The following DIP2C variants were observed in gnomAD, a reference collection of about 807,000 sequenced individuals.
DIP2C encodes DIP2 acetate--CoA ligase C (putative), also known as disco-interacting protein 2 homolog C.
DIP2C carries 33 observed loss-of-function variants against 192.4 expected under a neutral mutation model. That is an observed-to-expected ratio of 0.17 (90% CI 0.13 to 0.23). The LOEUF (loss-of-function observed/expected upper bound fraction) is 0.23. Ranked by LOEUF, DIP2C falls within the 10% of genes least tolerant of loss-of-function variation. The pLI is 1.00. For missense variants in DIP2C, 1,537 were observed against 2,110.1 expected, an observed-to-expected ratio of 0.73 and a Z score of 5.32; for synonymous variants, 979 against 864.1, an observed-to-expected ratio of 1.13 and a Z score of -2.33.
At chr10:619,537 G>T (rs796882315) in intron 1 of DIP2C, among the ~76,000 whole-genome samples, 2,864 of 51,350 alleles carry the variant, frequency 0.056, 59 homozygotes, top group Middle Eastern at 0.12. Context: ...AAGCCCGCCC[G>T]CCCGCCCTCC....
At chr10:288,154 G>A (rs1457333885) in intron 33 of DIP2C, among the ~76,000 whole-genome samples, 1 of 152,212 alleles carries the variant, frequency 6.6e-6, no homozygotes, top group Admixed American at 6.5e-5. Flanking sequence ...CATGGAGGAG[G>A]AGATGCCTAT....
chr10:326,944 G>A, intron 31 of DIP2C, 62 bp downstream of exon 31: 2 of 1,562,586 alleles, frequency 1.3e-6, no homozygotes, highest in Non-Finnish European at 1.7e-6. Flanking sequence ...GAGCCAGTCT[G>A]TGCTGTACCC....
chr10:446,645 CCT>C (rs1435977973), intron 3 of DIP2C, among the ~76,000 whole-genome samples: 8 of 152,320 alleles, frequency 5.3e-5, no homozygotes, highest in Non-Finnish European at 1.0e-4. Context: ...GCCATGATCC[CCT>C]GACACCCAAC....
chr10:414,881 T>C (rs1284388540), intron 7 of DIP2C, among the ~76,000 whole-genome samples: 1 of 63,826 alleles, frequency 1.6e-5, no homozygotes, highest in Non-Finnish European at 3.4e-5. Flanking sequence ...TGTGTGTGTG[T>C]GTGTGTGTGT....
chr10:454,372 A>G (rs936214236), intron 3 of DIP2C, among the ~76,000 whole-genome samples: 1 of 152,218 alleles, frequency 6.6e-6, no homozygotes, highest in African/African-American at 2.4e-5. Flanking sequence ...ATAAAATACT[A>G]AAAATACTAA....
chr10:567,870 T>TCCAC (rs1248020010), intron 1 of DIP2C, among the ~76,000 whole-genome samples: 2 of 152,122 alleles, frequency 1.3e-5, no homozygotes, highest in African/African-American at 4.8e-5. Flanking sequence ...CCTCCGGTGA[T>TCCAC]CCACCCACCC....
At chr10:422,693 C>T in intron 5 of DIP2C, 131 bp downstream of exon 5, 4 of 1,116,096 alleles carry the variant, frequency 3.6e-6, no homozygotes, top group Non-Finnish European at 5.0e-6. Context: ...CCAGCCAAAG[C>T]ACCCCAGGGG....
intron 4 of DIP2C, among the ~76,000 whole-genome samples, chr10:429,878 T>C (rs1341493635): frequency 6.6e-6 from 1 of 152,150 alleles, no homozygotes; most frequent in Non-Finnish European, 1.5e-5. Context: ...ACGTAAGTTT[T>C]CAACTCCTTT....
At chr10:622,514 A>G (rs1853934679) in intron 1 of DIP2C, among the ~76,000 whole-genome samples, 1 of 152,156 alleles carries the variant, frequency 6.6e-6, no homozygotes. Flanking sequence ...AACTGTTAGC[A>G]TAAACAGTGA....
intron 13 of DIP2C, 73 bp downstream of exon 13, chr10:389,918 G>C (rs7082287): frequency 8.5e-7 from 1 of 1,175,528 alleles, no homozygotes; most frequent in African/African-American, 1.5e-5. Flanking sequence ...CTCCTCGTGG[G>C]AGTGATGTGG....
chr10:526,827 G>A (rs1294288482), intron 1 of DIP2C, among the ~76,000 whole-genome samples: 1 of 152,176 alleles, frequency 6.6e-6, no homozygotes, highest in Non-Finnish European at 1.5e-5. Flanking sequence ...CTTCTCCCAG[G>A]GAACTGGTGC....
chr10:600,491 C>T (rs901742091), intron 1 of DIP2C, among the ~76,000 whole-genome samples: 18 of 150,686 alleles, frequency 1.2e-4, no homozygotes, highest in African/African-American at 4.0e-4. Context: ...AGACGACGGC[C>T]CAGGGTGTTC....
At chr10:518,946 G>T (rs1442105130) in intron 1 of DIP2C, among the ~76,000 whole-genome samples, 1 of 152,234 alleles carries the variant, frequency 6.6e-6, no homozygotes, top group African/African-American at 2.4e-5. Flanking sequence ...TTCCATGGTG[G>T]CCGTGTCAAA....
At position 533,274 on chromosome 10, in the gene DIP2C, A is replaced by G. The variant is rs190500200; in HGVS notation, c.86-46744T>C. Among the ~76,000 whole-genome samples, 21 of 152,190 alleles carry G rather than the reference A, an allele frequency of 1.4e-4. No individual in the cohort carries two copies. The East Asian group carries it at 3.7e-3, about 27-fold the overall frequency. ...AAATTCCCGTGTTAGAATCATCACCACCAACACTTTACGAGGCAATCTGCT... is the reference window on the plus strand; with the variant it reads ...AAATTCCCGTGTTAGAATCATCACCGCCAACACTTTACGAGGCAATCTGCT... On this transcript the variant is annotated intron_variant, in intron 1 of 36. Coordinates refer to ENST00000280886, the MANE Select transcript of DIP2C (RefSeq NM_014974.3).
chr10:382,267 G>A (rs867196003), intron 17 of DIP2C, among the ~76,000 whole-genome samples: 1 of 152,108 alleles, frequency 6.6e-6, no homozygotes, highest in Non-Finnish European at 1.5e-5. Flanking sequence ...ATGGAAGTCG[G>A]TAACACTACA....
At chr10:331,452 A>G (rs1957505862) in intron 29 of DIP2C, among the ~76,000 whole-genome samples, 1 of 152,104 alleles carries the variant, frequency 6.6e-6, no homozygotes, top group Non-Finnish European at 1.5e-5. Context: ...TGGGTTCCTC[A>G]CCCCTGGCTT....
intron 4 of DIP2C, among the ~76,000 whole-genome samples, chr10:434,377 G>T (rs1020195230): frequency 2.6e-5 from 4 of 152,090 alleles, no homozygotes; most frequent in Non-Finnish European, 5.9e-5. Context: ...AAGGATCCTG[G>T]GCTCAAGTGA....
At chr10:629,655 C>G (rs955423002) in intron 1 of DIP2C, among the ~76,000 whole-genome samples, 6 of 151,984 alleles carry the variant, frequency 3.9e-5, no homozygotes, top group African/African-American at 1.4e-4. Flanking sequence ...CAATCAGGCC[C>G]GGCCTCACTG....
chr10:348,515 T>A, intron 26 of DIP2C, 126 bp downstream of exon 26: 1 of 1,464,884 alleles, frequency 6.8e-7, no homozygotes, highest in East Asian at 2.3e-5. Context: ...TCCTGACCGT[T>A]TGACTCCAGA....
Sources: allele counts gnomAD v4.1 joint callset (sites outside exome capture counted in the v4.1 genomes callset), GRCh38; gene constraint gnomAD v4.1.1; transcripts MANE v1.5; gene names NCBI Gene and HGNC (gene_info 2026-07-23, HGNC 2026-07-21).